The following ZC3H18 variants were observed in gnomAD, a reference collection of about 807,000 sequenced individuals.
ZC3H18 encodes the protein zinc finger CCCH-type containing 18.
Under a neutral mutation model 106.1 loss-of-function variants are expected in ZC3H18, and 8 were observed. The observed-to-expected ratio is 0.08, with a 90% CI of 0.04 to 0.14. The LOEUF is 0.14. ZC3H18 is among the 10% of genes least tolerant of loss of function. The pLI is 1.00. For synonymous variants in ZC3H18, 635 were observed against 522.1 expected, an observed-to-expected ratio of 1.22 and a Z score of -2.95; for missense variants, 1,318 against 1,278.4, an observed-to-expected ratio of 1.03 and a Z score of -0.47.
chr16:88,575,975 A>C (rs919042708), intron 1 of ZC3H18, among the ~76,000 whole-genome samples: 1 of 152,158 alleles, frequency 6.6e-6, no homozygotes, highest in Non-Finnish European at 1.5e-5. Flanking sequence ...ATCTCAGCTC[A>C]CTGCAAGCTC....
At chr16:88,585,261 A>G (rs1047493008) in intron 2 of ZC3H18, among the ~76,000 whole-genome samples, 1 of 152,264 alleles carries the variant, frequency 6.6e-6, no homozygotes, top group Non-Finnish European at 1.5e-5. Flanking sequence ...TTTAATAACC[A>G]GATATCTTTG....
At chr16:88,623,403 G>A (rs946266826) in intron 10 of ZC3H18, 59 bp downstream of exon 10, 114 of 1,590,366 alleles carry the variant, frequency 7.2e-5, no homozygotes, top group Non-Finnish European at 8.1e-5. Flanking sequence ...GGGCACCTGC[G>A]GATGTGGCTT....
Position 88,624,616 on chromosome 16 carries a change from A to G in ZC3H18, c.1913A>G (p.Lys638Arg). 6.2e-7 allele frequency: 1 copy of G among 1,611,336 alleles called. No homozygotes were observed. The highest frequency in any genetic ancestry group is 8.5e-7 in the Non-Finnish European group (1 of 1,178,920). Reference protein sequence around the residue: ...PPGKAGEKSVKKPAPPPAPPQ... With the variant: ...PPGKAGEKSVRKPAPPPAPPQ... ...CTGTCTCACAGAGAGAAGTCAGTGA[A>G]GAAGCCGGCCCCGCCTCCAGCCCCA... The change falls in exon 12 of 18, where the codon AAG (lysine) becomes AGG (arginine). Residue 638 changes from lysine to arginine, a missense_variant. Around this residue, in one of 6 missense-constraint regions of ZC3H18, gnomAD observed 848 missense variants for 821.7 expected, o/e 1.03. Transcript: ENST00000301011.
At chr16:88,576,361 G>A (rs1350521168) in intron 1 of ZC3H18, among the ~76,000 whole-genome samples, 3 of 152,102 alleles carry the variant, frequency 2.0e-5, no homozygotes, top group African/African-American at 4.8e-5. Context: ...TTTTACATAC[G>A]CGCGGTACTT....
chr16:88,577,721 A>G lies in ZC3H18; in HGVS notation c.598A>G (p.Ile200Val). 6 of 1,613,268 alleles carry G rather than the reference A, an allele frequency of 3.7e-6. No individual in the cohort carries two copies. Among genetic ancestry groups the G allele is most frequent in the Non-Finnish European group, 5.1e-6 (6 of 1,180,018 alleles). Residue 200 changes from isoleucine to valine, a missense_variant, in exon 2 of 18, where the codon ATA becomes GTA. Transcript: ENST00000301011. ...TGATGGAGAAATCGATGATGGGGAA[A>G]TAGACGTGAGTATGATGGAGCAGAG... ...DDDGEIDDGE[I>V]DDDDLEEGEV...
chr16:88,585,745 C>A (rs1042810921), intron 2 of ZC3H18, among the ~76,000 whole-genome samples: 1 of 151,928 alleles, frequency 6.6e-6, no homozygotes. Flanking sequence ...AGTGGTTTTA[C>A]CAGGCTGGGT....
At chr16:88,613,173 C>T (rs369203041) in intron 8 of ZC3H18, among the ~76,000 whole-genome samples, 20 of 152,208 alleles carry the variant, frequency 1.3e-4, no homozygotes, top group African/African-American at 3.6e-4. Context: ...CTACTCCGAG[C>T]GTTTTTAACA....
chr16:88,597,043 C>G (rs910603201), intron 3 of ZC3H18, among the ~76,000 whole-genome samples: 5 of 152,210 alleles, frequency 3.3e-5, no homozygotes, highest in African/African-American at 9.6e-5. Context: ...GCTTCAGCCT[C>G]CCAAGTAGCT....
rs778920136 is a variant in ZC3H18, at chr16:88,624,612, G to C, written c.1909G>C (p.Val637Leu). 8.1e-6 allele frequency: 13 copies of C among 1,611,540 alleles called. No homozygotes were observed. In the East Asian group the frequency reaches 1.1e-4, roughly 14 times the overall value. ...CTCCCTGTCTCACAGAGAGAAGTCAGTGAAGAAGCCGGCCCCGCCTCCAGC... is the reference window on the plus strand; with the variant it reads ...CTCCCTGTCTCACAGAGAGAAGTCACTGAAGAAGCCGGCCCCGCCTCCAGC... ...PPPGKAGEKS[V>L]KKPAPPPAPP... Residue 637 changes from valine to leucine, a missense_variant, in exon 12 of 18, where the codon GTG (valine) becomes CTG (leucine). Physicochemically the swap from Val to Leu is conservative, Grantham distance 32 (BLOSUM62 1). Transcript: ENST00000301011.
intron 6 of ZC3H18, among the ~76,000 whole-genome samples, chr16:88,604,843 C>T (rs142380752): frequency 6.6e-6 from 1 of 152,276 alleles, no homozygotes; most frequent in Non-Finnish European, 1.5e-5. Context: ...TCAGTAGTAG[C>T]CCCACCGTGA....
At chr16:88,584,678 C>T (rs201551422) in intron 2 of ZC3H18, among the ~76,000 whole-genome samples, 1 of 152,158 alleles carries the variant, frequency 6.6e-6, no homozygotes, top group Non-Finnish European at 1.5e-5. Context: ...GAAATGATGT[C>T]TCGCACCTTC....
intron 8 of ZC3H18, among the ~76,000 whole-genome samples, chr16:88,612,804 C>A (rs1905345973): frequency 6.6e-6 from 1 of 152,002 alleles, no homozygotes; most frequent in East Asian, 1.9e-4. Context: ...GAATTGAGAT[C>A]AGCCTGGGCA....
intron 8 of ZC3H18, among the ~76,000 whole-genome samples, chr16:88,619,881 T>C (rs377665624): frequency 1.3e-5 from 2 of 152,310 alleles, no homozygotes; most frequent in East Asian, 3.9e-4. Context: ...ATGAGAGTTA[T>C]ACAGGAAGTA....
At chr16:88,583,168 G>C (rs1341365348) in intron 2 of ZC3H18, among the ~76,000 whole-genome samples, 1 of 152,234 alleles carries the variant, frequency 6.6e-6, no homozygotes, top group Admixed American at 6.5e-5. Flanking sequence ...CCTTTGTACA[G>C]AAGCTCCAGT....
intron 6 of ZC3H18, among the ~76,000 whole-genome samples, chr16:88,607,682 A>G (rs1905079611): frequency 6.7e-6 from 1 of 148,772 alleles, no homozygotes. Flanking sequence ...TTATTCACAC[A>G]CGCTTCATGT....
chr16:88,613,136 T>C (rs1905365379), intron 8 of ZC3H18, among the ~76,000 whole-genome samples: 1 of 152,242 alleles, frequency 6.6e-6, no homozygotes, highest in Admixed American at 6.5e-5. Context: ...AAGTGTGCAA[T>C]ACACAGCGTT....
Position 88,599,943 on chromosome 16 carries a change from C to T in ZC3H18, c.1083C>T (p.Asp361=), listed in dbSNP as rs766896741. 1.2e-6 allele frequency: 2 copies of T among 1,613,962 alleles called. No homozygotes were observed. Among genetic ancestry groups the T allele is most frequent in the Middle Eastern group, 1.6e-4 (1 of 6,062 alleles). Reference sequence around the variant, plus strand: ...CTCGGATCCCGAGAGATGTCAGAGACACAGTGTAAGGAATGGCCCTGCCTG... The same window carrying T: ...CTCGGATCCCGAGAGATGTCAGAGATACAGTGTAAGGAATGGCCCTGCCTG... ...WNSRIPRDVR[D]TVLEPYADPY... is the part of the protein sequence containing the mutation. Residue 361 remains aspartate (D), a synonymous_variant, in exon 6 of 18, where the codon GAC becomes GAT. Coordinates refer to ENST00000301011, the MANE Select transcript of ZC3H18 (RefSeq NM_144604.4).
At chr16:88,573,129 A>G (rs186726400) in intron 1 of ZC3H18, among the ~76,000 whole-genome samples, 1 of 152,132 alleles carries the variant, frequency 6.6e-6, no homozygotes, top group Admixed American at 6.5e-5. Context: ...TTAAGAGATC[A>G]CTTTGTTTCC....
intron 3 of ZC3H18, among the ~76,000 whole-genome samples, chr16:88,596,960 G>C (rs1382932279): frequency 3.3e-5 from 5 of 152,124 alleles, no homozygotes; most frequent in Non-Finnish European, 7.4e-5. Context: ...TCGCTCTGTT[G>C]CCCAGGCTGG....
Sources: allele counts gnomAD v4.1 joint callset (sites outside exome capture counted in the v4.1 genomes callset), GRCh38; gene constraint gnomAD v4.1.1; regional missense constraint gnomAD v4.1.1; transcripts MANE v1.5; gene names NCBI Gene and HGNC (gene_info 2026-07-23, HGNC 2026-07-21).